The following WWOX variants were observed in gnomAD, a reference collection of about 807,000 sequenced individuals.
WWOX encodes the protein WW domain containing oxidoreductase.
Under a neutral mutation model 46.2 loss-of-function variants are expected in WWOX, and 69 were observed. The observed-to-expected ratio is 1.49, with a 90% CI of 1.23 to 1.82. The LOEUF (loss-of-function observed/expected upper bound fraction) is 1.82. Ranked by LOEUF, WWOX falls within the 40% of genes most tolerant of loss-of-function variation. WWOX has a pLI of 0.00. For synonymous variants in WWOX, 359 were observed against 202.6 expected (o/e 1.77, Z -6.56); for missense variants, 919 against 542.6 (o/e 1.69, Z -6.89).
intron 5 of WWOX, among the ~76,000 whole-genome samples, chr16:78,177,418 G>C (rs1177659043): frequency 6.6e-6 from 1 of 152,200 alleles, no homozygotes; most frequent in Non-Finnish European, 1.5e-5. Flanking sequence ...TGTGGTAAGA[G>C]TGATACTCCC....
chr16:78,794,520 T>C (rs1470918015), intron 8 of WWOX, among the ~76,000 whole-genome samples: 1 of 152,216 alleles, frequency 6.6e-6, no homozygotes, highest in African/African-American at 2.4e-5. Context: ...AATACCAATT[T>C]TCTCATCCAA....
At chr16:78,988,885 C>G (rs2046831436) in intron 8 of WWOX, among the ~76,000 whole-genome samples, 1 of 152,130 alleles carries the variant, frequency 6.6e-6, no homozygotes, top group Admixed American at 6.5e-5. Context: ...GAAACGAGCT[C>G]TGGTGGGCAG....
At chr16:78,425,167 G>A in intron 7 of WWOX, 112 bp downstream of exon 7, 4 of 1,425,138 alleles carry the variant, frequency 2.8e-6, no homozygotes, top group Admixed American at 1.8e-5. Context: ...GAGACATGTG[G>A]GTGGACTCAG....
intron 8 of WWOX, among the ~76,000 whole-genome samples, chr16:78,702,488 TA>T (rs112854732): frequency 0.055 from 8,280 of 151,366 alleles, 762 homozygotes; most frequent in African/African-American, 0.19. Context: ...CCATCTCTAC[TA>T]AAAATACAAA....
At chr16:78,564,939 C>T (rs919031402) in intron 8 of WWOX, among the ~76,000 whole-genome samples, 1 of 151,972 alleles carries the variant, frequency 6.6e-6, no homozygotes, top group African/African-American at 2.4e-5. Context: ...ATCTGAAATC[C>T]TCCTTCCTTT....
intron 8 of WWOX, among the ~76,000 whole-genome samples, chr16:79,025,383 G>T (rs1470683782): frequency 1.3e-5 from 2 of 152,226 alleles, no homozygotes; most frequent in Non-Finnish European, 2.9e-5. Flanking sequence ...GATAAGTTCA[G>T]TTGAGGATCT....
At chr16:78,602,539 G>C (rs1050709457) in intron 8 of WWOX, among the ~76,000 whole-genome samples, 6 of 152,032 alleles carry the variant, frequency 3.9e-5, no homozygotes, top group African/African-American at 1.5e-4. Context: ...GCCTCTTCTC[G>C]ATAGATCTTA....
intron 5 of WWOX, among the ~76,000 whole-genome samples, chr16:78,189,121 A>G (rs1165706832): frequency 1.3e-5 from 2 of 152,180 alleles, no homozygotes. Context: ...TAGAGTTGCA[A>G]GACATGGGTT....
At chr16:78,923,247 C>A (rs182843316) in intron 8 of WWOX, among the ~76,000 whole-genome samples, 1 of 152,148 alleles carries the variant, frequency 6.6e-6, no homozygotes, top group Non-Finnish European at 1.5e-5. Context: ...TCCCAAAGCA[C>A]TGGGATTACA....
At chr16:78,355,178 G>A (rs2081259502) in intron 5 of WWOX, among the ~76,000 whole-genome samples, 1 of 152,076 alleles carries the variant, frequency 6.6e-6, no homozygotes, top group African/African-American at 2.4e-5. Context: ...GTTCCTGTCT[G>A]CCAGTCACTC....
intron 5 of WWOX, among the ~76,000 whole-genome samples, chr16:78,278,316 T>C (rs1177776886): frequency 6.6e-6 from 1 of 152,172 alleles, no homozygotes; most frequent in Non-Finnish European, 1.5e-5. Context: ...AGTAATATTG[T>C]TGTAGCAGTG....
At chr16:78,892,140 C>T (rs933962738) in intron 8 of WWOX, 3 of 152,108 alleles carry the variant, frequency 2.0e-5, no homozygotes, top group Non-Finnish European at 2.9e-5. Context: ...CTGTTTCATA[C>T]TAATTTTCTA....
intron 5 of WWOX, among the ~76,000 whole-genome samples, chr16:78,266,229 A>C (rs974611867): frequency 6.6e-6 from 1 of 152,246 alleles, no homozygotes. Context: ...GTTTTATTAC[A>C]TGTAAAAATT....
At chr16:78,368,392 C>G (rs915421690) in intron 5 of WWOX, among the ~76,000 whole-genome samples, 1 of 152,090 alleles carries the variant, frequency 6.6e-6, no homozygotes, top group Admixed American at 6.5e-5. Flanking sequence ...ACCTGATATC[C>G]CAGAAAGGAG....
At chr16:78,284,025 T>A (rs2079728473) in intron 5 of WWOX, among the ~76,000 whole-genome samples, 1 of 152,212 alleles carries the variant, frequency 6.6e-6, no homozygotes, top group African/African-American at 2.4e-5. Context: ...TGATTAATGA[T>A]CTCTGAGATT....
intron 5 of WWOX, among the ~76,000 whole-genome samples, chr16:78,344,817 C>T (rs1465522806): frequency 8.2e-6 from 1 of 121,540 alleles, no homozygotes; most frequent in East Asian, 1.9e-4. Flanking sequence ...AAAAGTGCAT[C>T]AAGCTCTTGT....
intron 8 of WWOX, among the ~76,000 whole-genome samples, chr16:78,509,407 C>T (rs533202084): frequency 2.0e-5 from 3 of 151,218 alleles, no homozygotes; most frequent in East Asian, 3.9e-4. Context: ...CCACTGCATT[C>T]CAGCATTGGT....
intron 5 of WWOX, among the ~76,000 whole-genome samples, chr16:78,284,458 A>G (rs1344068755): frequency 6.6e-6 from 1 of 152,354 alleles, no homozygotes; most frequent in East Asian, 1.9e-4. Flanking sequence ...TCCTAAACTT[A>G]CATGTTAACA....
chr16:78,438,431 T>C (rs1286747055), intron 8 of WWOX, among the ~76,000 whole-genome samples: 1 of 151,246 alleles, frequency 6.6e-6, no homozygotes, highest in Non-Finnish European at 1.5e-5. Context: ...TTCACTGAAA[T>C]GAATGCTGCC....
Sources: allele counts gnomAD v4.1 joint callset (sites outside exome capture counted in the v4.1 genomes callset), GRCh38; gene constraint gnomAD v4.1.1; transcripts MANE v1.5; gene names NCBI Gene and HGNC (gene_info 2026-07-23, HGNC 2026-07-21).